CSK: variants seen among roughly 807,000 people sequenced by gnomAD.
The protein encoded by CSK is tyrosine-protein kinase CSK.
In CSK, 7 loss-of-function variants were observed where a neutral mutation model predicts 62.3. The observed-to-expected ratio is 0.11, with a 90% CI of 0.06 to 0.21. CSK has a LOEUF of 0.21. CSK is among the 10% of genes least tolerant of loss of function. The probability of loss-of-function intolerance (pLI) is 1.00; values close to 1 mark genes in which losing one functional copy is unlikely to be tolerated. For missense variants in CSK, 294 were observed against 613.5 expected (o/e 0.48, Z 5.50); for synonymous variants, 237 against 246.0 (o/e 0.96, Z 0.34).
At chr15:74,791,250 CT>C (rs35253581) in intron 1 of CSK, among the ~76,000 whole-genome samples, 1 of 150,982 alleles carries the variant, frequency 6.6e-6, no homozygotes, top group Non-Finnish European at 1.5e-5. Flanking sequence ...CTGCACCTGG[CT>C]TTTTTTTTCA....
chr15:74,800,706 G>A lies in CSK; in HGVS notation c.582G>A (p.Glu194=). 6.4e-7 allele frequency: 1 copy of A among 1,562,566 alleles called. No individual in the cohort carries two copies. Residue 194 remains glutamate (E), a synonymous_variant, in exon 7 of 13, where the codon GAG becomes GAA. Transcript: ENST00000220003. ...YRSGWALNMK[E]LKLLQTIGKG... is the part of the protein sequence containing the mutation. ...GCGGCTGGGCCCTGAACATGAAGGAGCTGAAGCTGCTGCAGACCATCGGGA... is the reference window on the plus strand; with the variant it reads ...GCGGCTGGGCCCTGAACATGAAGGAACTGAAGCTGCTGCAGACCATCGGGA...
At chr15:74,792,614 C>T (rs764296567) in intron 1 of CSK, among the ~76,000 whole-genome samples, 7 of 152,218 alleles carry the variant, frequency 4.6e-5, no homozygotes, top group Non-Finnish European at 8.8e-5. Context: ...GTTGTAGAGG[C>T]CTAAGTTTGC....
At chr15:74,789,281 G>A (rs1049418782) in intron 1 of CSK, among the ~76,000 whole-genome samples, 6 of 152,214 alleles carry the variant, frequency 3.9e-5, no homozygotes, top group Admixed American at 2.6e-4. Flanking sequence ...TAACCGCCCC[G>A]GGAGGTGTAG....
At position 74,798,694 on chromosome 15, in the gene CSK, A is replaced by G. The variant is rs2063743547; in HGVS notation, c.95A>G (p.Lys32Arg). 1 of 1,613,694 alleles carries G rather than the reference A, an allele frequency of 6.2e-7. No individual in the cohort carries two copies. Among genetic ancestry groups the G allele is most frequent in the Non-Finnish European group, 8.5e-7 (1 of 1,180,032 alleles). Residue 32 changes from lysine (K) to arginine (R), a missense_variant, in exon 3 of 13, where the codon AAA becomes AGA. Physicochemically the swap from Lys to Arg is conservative, Grantham distance 26. Around this residue, in one of 3 missense-constraint regions of CSK, gnomAD observed 202 missense variants for 415.7 expected, o/e 0.49. Transcript: ENST00000220003. The surrounding 1 kb of genome is among the most constrained non-coding windows in gnomAD (Gnocchi z 6.6). ...GTAEQDLPFCKGDVLTIVAVT... is the reference protein window; with the variant it reads ...GTAEQDLPFCRGDVLTIVAVT... ...GCCGAGCAGGACCTGCCCTTCTGCA[A>G]AGGAGACGTGCTCACCATTGTGGCC...
At position 74,798,784 on chromosome 15, in the gene CSK, G is replaced by T; in HGVS notation, c.130-42G>T. The T allele has an allele frequency of 6.2e-7, 1 of 1,606,742 alleles. No homozygotes were observed. Among genetic ancestry groups the T allele is most frequent in the South Asian group, 1.1e-5 (1 of 90,420 alleles). ...ACTGCTGGGCCTTCCCTCTGCAGGG[G>T]GAGGTGGGCCTGAGAGCATGTCTGG... On this transcript the variant is annotated intron_variant, in intron 3 of 12. Coordinates refer to ENST00000220003, the MANE Select transcript of CSK (RefSeq NM_004383.3). The surrounding 1 kb of genome is among the most constrained non-coding windows in gnomAD (Gnocchi z 6.6).
intron 1 of CSK, among the ~76,000 whole-genome samples, chr15:74,784,793 C>T (rs927670198): frequency 5.9e-5 from 9 of 152,174 alleles, no homozygotes; most frequent in Non-Finnish European, 1.3e-4. Context: ...CACCTGGGTG[C>T]GGTTCTGGGC....
chr15:74,783,955 A>C (rs1347949205), intron 1 of CSK, among the ~76,000 whole-genome samples: 1 of 152,234 alleles, frequency 6.6e-6, no homozygotes, highest in African/African-American at 2.4e-5. Flanking sequence ...GACTGGGGAC[A>C]TGGGAGCATT....
At chr15:74,797,204 C>T (rs2063719843) in intron 1 of CSK, among the ~76,000 whole-genome samples, 1 of 152,220 alleles carries the variant, frequency 6.6e-6, no homozygotes, top group Admixed American at 6.5e-5. Flanking sequence ...CTCAGCTTCC[C>T]AAAGTGCTGA....
chr15:74,802,167 C>T (rs889769968), intron 12 of CSK, 84 bp downstream of exon 12: 1 of 1,474,982 alleles, frequency 6.8e-7, no homozygotes, highest in Non-Finnish European at 9.3e-7. Flanking sequence ...GCCCTGCCTC[C>T]CCAATCAAGG....
chr15:74,784,401 T>C (rs1193784063), intron 1 of CSK, among the ~76,000 whole-genome samples: 2 of 149,620 alleles, frequency 1.3e-5, no homozygotes. Flanking sequence ...TTAATTTTTA[T>C]TTTATTTTAT....
intron 5 of CSK, 81 bp from the exon 6 acceptor site, chr15:74,800,331 G>GC (rs1332228973): frequency 5.5e-5 from 71 of 1,292,628 alleles, no homozygotes; most frequent in Non-Finnish European, 7.2e-5. Flanking sequence ...GGCCTCTGCC[G>GC]CCCTCTGGTG....
intron 1 of CSK, among the ~76,000 whole-genome samples, chr15:74,792,155 C>T (rs2063631494): frequency 6.6e-6 from 1 of 152,098 alleles, no homozygotes; most frequent in African/African-American, 2.4e-5. Flanking sequence ...TCCACCCAGC[C>T]CCCAACTGAT....
At chr15:74,788,946 G>C (rs374485992) in intron 1 of CSK, among the ~76,000 whole-genome samples, 2 of 152,330 alleles carry the variant, frequency 1.3e-5, no homozygotes, top group East Asian at 3.9e-4. Flanking sequence ...ATTGCCCAGC[G>C]CACATAGGTA....
At chr15:74,795,135 T>G (rs1161076207) in intron 1 of CSK, among the ~76,000 whole-genome samples, 1 of 152,046 alleles carries the variant, frequency 6.6e-6, no homozygotes, top group African/African-American at 2.4e-5. Flanking sequence ...GACTGCTGCA[T>G]CAACCTGGGG....
Position 74,798,647 on chromosome 15 carries a change from C to T in CSK, c.48C>T (p.Ala16=), listed in dbSNP as rs754618579. ...AAWPSGTECI[A]KYNFHGTAEQ... is the part of the protein sequence containing the mutation. The stretch of plus-strand genomic sequence containing the variant: ...GGCCATCCGGTACAGAATGTATTGC[C>T]AAGTACAACTTCCACGGCACTGCCG... Residue 16 remains alanine, a synonymous_variant, in exon 3 of 13, where the codon GCC becomes GCT. Coordinates refer to ENST00000220003, the MANE Select transcript of CSK (RefSeq NM_004383.3). This position sits in a 1 kb window ranked among gnomAD's most constrained non-coding sequence, Gnocchi z 6.6. 126 of 1,613,554 alleles carry T rather than the reference C, an allele frequency of 7.8e-5. 1 individual carries two copies. In the South Asian group the frequency reaches 9.1e-4, roughly 12 times the overall value.
chr15:74,795,336 C>T (rs564769075), intron 1 of CSK, among the ~76,000 whole-genome samples: 3 of 152,226 alleles, frequency 2.0e-5, no homozygotes, highest in Admixed American at 6.5e-5. Flanking sequence ...AAGACTCCGT[C>T]GCAATAATAA....
rs1168038626 is a variant in CSK at position 74,782,838 on chromosome 15, C to T, written c.-66+118C>T. On this transcript the variant is annotated intron_variant, in intron 1 of 12. Coordinates refer to ENST00000220003, the MANE Select transcript of CSK (RefSeq NM_004383.3). This position sits in a 1 kb window ranked among gnomAD's most constrained non-coding sequence, Gnocchi z 5.7. ...CCATTCCCCTCTTCTCCCACTTCTC[C>T]CTTCTCTCCTTTACTCCCTTGCACG... 1.3e-5 allele frequency: 2 copies of T among 152,432 alleles called. No homozygotes were observed. Among genetic ancestry groups the T allele is most frequent in the South Asian group, 2.1e-4 (1 of 4,842 alleles). 9.4% of individuals were successfully genotyped at this position (152,432 alleles called of 1,614,324 possible).
rs961367022 is a variant in CSK at position 74,782,086 on chromosome 15, G to A, written c.-700G>A. 1 of 147,700 alleles carries A rather than the reference G, an allele frequency of 6.8e-6. No individual in the cohort carries two copies. Among genetic ancestry groups the A allele is most frequent in the African/African-American group, 2.4e-5 (1 of 40,946 alleles). 9.1% of individuals were successfully genotyped at this position (147,700 alleles called of 1,614,324 possible). On this transcript the variant is annotated 5_prime_UTR_variant, in exon 1 of 13. Coordinates refer to ENST00000220003, the MANE Select transcript of CSK (RefSeq NM_004383.3). The surrounding 1 kb of genome is among the most constrained non-coding windows in gnomAD (Gnocchi z 5.7). ...GCGCGCTGCCGCGGGCGGAGGATCC[G>A]GGCCGCGCTTCCTCTCGCCAGGCCT...
Position 74,798,558 on chromosome 15 carries a change from A to T in CSK, c.16-57A>T. 6.7e-7 allele frequency: 1 copy of T among 1,503,074 alleles called. No individual in the cohort carries two copies. The highest frequency in any genetic ancestry group is 9.2e-7 in the Non-Finnish European group (1 of 1,085,236). 93.1% of individuals were successfully genotyped at this position (1,503,074 alleles called of 1,614,324 possible). A position where few individuals can be genotyped will look rare whatever the true frequency, so the allele number is the denominator to read the frequency against. On this transcript the variant is annotated intron_variant, in intron 2 of 12. Transcript: ENST00000220003. The surrounding 1 kb of genome is among the most constrained non-coding windows in gnomAD (Gnocchi z 6.6). ...GAGGCTGTGACCACGAGGGTGCGCC[A>T]GCAGGTGGCTGGAGGGGGCCCAGGC...
Sources: gnomAD v4.1 joint callset for allele counts (sites outside exome capture counted in the v4.1 genomes callset) on GRCh38, gnomAD v4.1.1 for gene constraint, gnomAD v4.1.1 regional missense constraint, Gnocchi (gnomAD v3.1) non-coding constraint, MANE v1.5 for transcripts, NCBI Gene and HGNC (gene_info 2026-07-23, HGNC 2026-07-21) for gene names.